Variants in UROC1 observed in about 807,000 individuals in gnomAD.
UROC1 encodes urocanate hydratase 1.
UROC1 carries 79 observed loss-of-function variants against 89.5 expected under a neutral mutation model. The observed-to-expected ratio is 0.88, with a 90% confidence interval of 0.74 to 1.06. The LOEUF is 1.06. Ranked by LOEUF, UROC1 falls within the 50% of genes least tolerant of loss-of-function variation. The pLI is 0.00. For synonymous variants in UROC1, 361 were observed against 354.8 expected, an observed-to-expected ratio of 1.02 and a Z score of -0.20; for missense variants, 885 against 907.8, an observed-to-expected ratio of 0.97 and a Z score of 0.32.
intron 10 of UROC1, 62 bp downstream of exon 10, chr3:126,501,156 C>T: frequency 6.4e-7 from 1 of 1,555,586 alleles, no homozygotes; most frequent in Non-Finnish European, 8.9e-7. Flanking sequence ...GCATTGAGGT[C>T]TTTGCTCAGG....
intron 15 of UROC1, among the ~76,000 whole-genome samples, chr3:126,494,793 C>T (rs888224777): frequency 1.3e-5 from 2 of 152,148 alleles, no homozygotes; most frequent in East Asian, 1.9e-4. Context: ...ATGCTGGACC[C>T]CTTCCCTGGC....
At position 126,500,737 on chromosome 3, in the gene UROC1, A is replaced by G. The variant is rs370883996; in HGVS notation, c.1103T>C (p.Met368Thr). ...QLSFTEAQSL[M>T]ASNPAVFKDL... ...CTTGAACACAGCAGGGTTGGAGGCC[A>G]TGAGGCTCTGGGCCTCCGTGAAGCT... The change falls in exon 11 of 20, where the codon ATG becomes ACG. Residue 368 changes from methionine to threonine, a missense_variant. Met to Thr is a moderately conservative substitution (Grantham distance 81). Transcript: ENST00000290868. 1 of 1,614,120 alleles carries G rather than the reference A, an allele frequency of 6.2e-7. No homozygotes were observed. Among genetic ancestry groups the G allele is most frequent in the Admixed American group, 1.7e-5 (1 of 60,024 alleles).
intron 3 of UROC1, 91 bp from the exon 4 acceptor site, chr3:126,508,566 G>A: frequency 9.6e-7 from 1 of 1,039,014 alleles, no homozygotes; most frequent in Non-Finnish European, 1.5e-6. Context: ...ATCCCCTGGG[G>A]GCCCAATGGG....
intron 2 of UROC1, among the ~76,000 whole-genome samples, chr3:126,510,008 C>T (rs1477383398): frequency 2.0e-5 from 3 of 152,234 alleles, no homozygotes; most frequent in Non-Finnish European, 4.4e-5. Flanking sequence ...TCAACAAACA[C>T]TTTTGGGCAC....
chr3:126,488,434 G>A (rs1409211285), intron 17 of UROC1, among the ~76,000 whole-genome samples, 155 bp from the exon 18 acceptor site: 1 of 152,280 alleles, frequency 6.6e-6, no homozygotes, highest in African/African-American at 2.4e-5. Flanking sequence ...AGCAGCAGTC[G>A]TGTGTGCTGG....
intron 9 of UROC1, among the ~76,000 whole-genome samples, chr3:126,502,183 G>A (rs1326443348): frequency 1.3e-5 from 2 of 152,146 alleles, no homozygotes; most frequent in African/African-American, 4.8e-5. Context: ...GGGCATGTGC[G>A]TGTGTGTGTT....
chr3:126,515,648 C>T lies in UROC1; in HGVS notation c.126+1946G>A, dbSNP rs1260236352. The stretch of plus-strand genomic sequence containing the variant: ...ATCCCCCAACCCCCAGCACCCACCA[C>T]CTACCCTCCCCCTAACCCCCAGCAC... On this transcript the variant is annotated intron_variant, in intron 1 of 19. Transcript: ENST00000290868. Among the ~76,000 whole-genome samples, 42 of 55,156 alleles carry T rather than the reference C, an allele frequency of 7.6e-4. 1 individual carries two copies. The highest frequency in any genetic ancestry group is 3.6e-3 in the African/African-American group (38 of 10,628). The allele number at this position is 55,156 out of a possible 152,430, so 36.2% of individuals were successfully genotyped here.
At chr3:126,500,898 G>C in intron 10 of UROC1, 24 bp from the exon 11 acceptor site, 1 of 1,611,000 alleles carries the variant, frequency 6.2e-7, no homozygotes, top group South Asian at 1.1e-5. Flanking sequence ...GCGGTGGTCA[G>C]TGCAAGCCAC....
chr3:126,495,409 T>G (rs1935753895), intron 15 of UROC1, among the ~76,000 whole-genome samples: 1 of 152,192 alleles, frequency 6.6e-6, no homozygotes, highest in African/African-American at 2.4e-5. Flanking sequence ...GTATTTGTCC[T>G]TTTGTGACTG....
intron 16 of UROC1, among the ~76,000 whole-genome samples, chr3:126,490,612 G>C (rs143641876): frequency 6.6e-6 from 1 of 152,226 alleles, no homozygotes; most frequent in South Asian, 2.1e-4. Context: ...TTTAATCTGG[G>C]GGGTGGAGGT....
At chr3:126,482,888 A>C (rs960316544) in intron 19 of UROC1, among the ~76,000 whole-genome samples, 5 of 145,558 alleles carry the variant, frequency 3.4e-5, no homozygotes, top group African/African-American at 5.1e-5. Flanking sequence ...CATTCTTGCC[A>C]CCCCCGCCTC....
At position 126,507,812 on chromosome 3, in the gene UROC1, G is replaced by C. The variant is rs763668984; in HGVS notation, c.541-9C>G. ...GAGTAGTTGGGAATGACCTGGAGAA[G>C]AGGATGGGGGCAGACAGAGGGGCTG... On this transcript the variant is annotated splice_polypyrimidine_tract_variant and intron_variant, in intron 5 of 19. Transcript: ENST00000290868. The C allele has an allele frequency of 1.2e-6, 2 of 1,614,168 alleles. No homozygotes were observed. The highest frequency in any genetic ancestry group is 1.7e-6 in the Non-Finnish European group (2 of 1,180,030).
rs1295497923 is a variant in UROC1 at position 126,502,365 on chromosome 3, TG to T, written c.903-1086del. ...CGTTTGTGTGTTTGTGTTACATGCA[TG>T]TTTGTGTACATGTGTTTACATGTGT... On this transcript the variant is annotated intron_variant, in intron 9 of 19. Transcript: ENST00000290868. 2.0e-5 allele frequency among the ~76,000 whole-genome samples: 3 copies of T among 151,934 alleles called. No individual in the cohort carries two copies. The East Asian group carries it at 5.8e-4, about 29-fold the overall frequency.
Position 126,488,202 on chromosome 3 carries a change from C to T in UROC1, c.1786G>A (p.Gly596Ser). ...WVALHNGGGV[G>S]WGEVINGGFG... ...TGTCCTCTGAAACCTTCTTACCAGC[C>T]CACGCCCCCTCCGTTGTGAAGGGCG... The change falls in exon 18 of 20, where the codon GGC becomes AGC. Residue 596 changes from glycine (G) to serine (S), a missense_variant. Transcript: ENST00000290868. 1.2e-6 allele frequency: 2 copies of T among 1,614,234 alleles called. No individual in the cohort carries two copies. Among genetic ancestry groups the T allele is most frequent in the Non-Finnish European group, 1.7e-6 (2 of 1,180,042 alleles).
rs370371568 is a variant in UROC1, at chr3:126,492,374, G to T, written c.1608+44C>A. The T allele has an allele frequency of 1.7e-5, 26 of 1,571,978 alleles. No homozygotes were observed. The South Asian group carries it at 1.8e-4, about 11-fold the overall frequency. ...AGGCCCAAGGCAGGAAAGGCAGTGG[G>T]AAGAGGCTGAGGGATGCTTCCCCCA... is the stretch of plus-strand genomic sequence containing the variant. On this transcript the variant is annotated intron_variant, in intron 16 of 19. Coordinates refer to ENST00000290868, the MANE Select transcript of UROC1 (RefSeq NM_144639.3).
At chr3:126,499,247 C>A in intron 13 of UROC1, 90 bp downstream of exon 13, 10 of 1,434,742 alleles carry the variant, frequency 7.0e-6, no homozygotes, top group Non-Finnish European at 9.7e-6. Flanking sequence ...GAGGCTGAAG[C>A]TTCTCCAACC....
At chr3:126,510,054 G>T (rs1408482832) in intron 2 of UROC1, among the ~76,000 whole-genome samples, 3 of 152,230 alleles carry the variant, frequency 2.0e-5, no homozygotes, top group Admixed American at 1.3e-4. Flanking sequence ...GGAGGTACTG[G>T]CTGGAGTGAG....
chr3:126,517,077 G>A (rs760872859), intron 1 of UROC1, among the ~76,000 whole-genome samples: 14 of 152,074 alleles, frequency 9.2e-5, no homozygotes, highest in South Asian at 2.1e-4. Flanking sequence ...ACTGGCAAGC[G>A]TGCACCATCC....
chr3:126,487,417 T>G (rs1935542529), intron 18 of UROC1, among the ~76,000 whole-genome samples: 1 of 152,186 alleles, frequency 6.6e-6, no homozygotes. Context: ...TTCCTCTAAT[T>G]ACAGCCACCT....
Sources: allele counts gnomAD v4.1 joint callset (sites outside exome capture counted in the v4.1 genomes callset), GRCh38; gene constraint gnomAD v4.1.1; transcripts MANE v1.5; gene names NCBI Gene and HGNC (gene_info 2026-07-23, HGNC 2026-07-21).